IFIH1: variants seen among roughly 807,000 people sequenced by gnomAD.
IFIH1 encodes the protein interferon-induced helicase C domain-containing protein 1.
In IFIH1, 125 loss-of-function variants were observed where a neutral mutation model predicts 107.4. The ratio of observed to expected loss-of-function variants is 1.16; its 90% CI spans 1.01 to 1.35. IFIH1 has a LOEUF of 1.35. IFIH1 is among the 40% of genes most tolerant of loss of function. The probability of loss-of-function intolerance (pLI) is 0.00; values close to 1 mark genes in which losing one functional copy is unlikely to be tolerated. For missense variants in IFIH1, 1,333 were observed against 1,213.7 expected, an observed-to-expected ratio of 1.10 and a Z score of -1.46; for synonymous variants, 458 against 413.2, an observed-to-expected ratio of 1.11 and a Z score of -1.31.
intron 1 of IFIH1, among the ~76,000 whole-genome samples, chr2:162,317,235 T>C (rs1212588787): frequency 3.9e-5 from 6 of 152,106 alleles, no homozygotes; most frequent in Admixed American, 3.9e-4. Flanking sequence ...CAAACGAGCA[T>C]GACTGTGTTC....
At chr2:162,285,500 C>A (rs1028559341) in intron 5 of IFIH1, among the ~76,000 whole-genome samples, 6 of 151,644 alleles carry the variant, frequency 4.0e-5, no homozygotes, top group African/African-American at 7.3e-5. Context: ...ATTTAAAATT[C>A]AAAAAGATGG....
At chr2:162,302,423 T>A (rs1259623892) in intron 3 of IFIH1, among the ~76,000 whole-genome samples, 12 of 152,222 alleles carry the variant, frequency 7.9e-5, no homozygotes, top group Admixed American at 5.2e-4. Flanking sequence ...GACAAGTTTT[T>A]TTCAGTGCTA....
At chr2:162,267,940 T>C (rs1024129401) in intron 14 of IFIH1, 147 bp downstream of exon 14, 2 of 584,984 alleles carry the variant, frequency 3.4e-6, no homozygotes, top group Non-Finnish European at 5.7e-6. Flanking sequence ...AACATAGACA[T>C]TTAAAATAGG....
At chr2:162,310,635 T>C (rs1352970943) in intron 2 of IFIH1, 130 bp downstream of exon 2, 6 of 677,884 alleles carry the variant, frequency 8.9e-6, no homozygotes, top group Admixed American at 8.1e-5. Context: ...AGATGATCTA[T>C]CACATATGTT....
intron 9 of IFIH1, among the ~76,000 whole-genome samples, chr2:162,277,976 A>G (rs1187269256): frequency 6.6e-6 from 1 of 152,172 alleles, no homozygotes; most frequent in Non-Finnish European, 1.5e-5. Flanking sequence ...CAGAGCTATT[A>G]AAGTTTATCT....
chr2:162,315,261 C>T (rs1683467648), intron 1 of IFIH1, among the ~76,000 whole-genome samples: 1 of 152,172 alleles, frequency 6.6e-6, no homozygotes, highest in Admixed American at 6.5e-5. Context: ...GTTTTCAACG[C>T]TTATTCCAGA....
chr2:162,304,332 C>T (rs1683242979), intron 3 of IFIH1, among the ~76,000 whole-genome samples: 1 of 152,044 alleles, frequency 6.6e-6, no homozygotes, highest in South Asian at 2.1e-4. Context: ...TATGGTGGCG[C>T]ACGCCCGTGA....
At chr2:162,296,802 C>T (rs1683091352) in intron 3 of IFIH1, among the ~76,000 whole-genome samples, 1 of 152,052 alleles carries the variant, frequency 6.6e-6, no homozygotes, top group Non-Finnish European at 1.5e-5. Flanking sequence ...GTGTCCACAC[C>T]TCTTTTTAAA....
At position 162,267,497 on chromosome 2, in the gene IFIH1, G is replaced by A. The variant is rs570676307; in HGVS notation, c.2880C>T (p.Ile960=). The A allele has an allele frequency of 3.4e-5, 55 of 1,613,868 alleles. No homozygotes were observed. The South Asian group carries it at 6.0e-4, about 18-fold the overall frequency. The change falls in exon 15 of 16, where the codon ATC becomes ATT. Residue 960 remains isoleucine, a synonymous_variant. Transcript: ENST00000649979. ...TACTCACCTGGCCACATTTGCAGAT[G>A]ATTTCACCATTTATTTGATAGTCGG... ...KCADYQINGE[I]ICKCGQAWGT...
chr2:162,302,500 A>G (rs1683210251), intron 3 of IFIH1, among the ~76,000 whole-genome samples: 1 of 152,234 alleles, frequency 6.6e-6, no homozygotes, highest in African/African-American at 2.4e-5. Context: ...AACATTATCA[A>G]TATCAAGAAG....
chr2:162,270,359 A>G (rs1293524720), intron 13 of IFIH1, among the ~76,000 whole-genome samples: 3 of 152,232 alleles, frequency 2.0e-5, no homozygotes, highest in African/African-American at 4.8e-5. Context: ...ATTTCATCTT[A>G]TCTGTCAATT....
At chr2:162,279,423 C>T (rs1682768062) in intron 8 of IFIH1, among the ~76,000 whole-genome samples, 2 of 152,108 alleles carry the variant, frequency 1.3e-5, no homozygotes, top group South Asian at 4.1e-4. Flanking sequence ...AAAGTATTGA[C>T]ATAATTTACT....
chr2:162,306,135 A>G (rs529353461), intron 3 of IFIH1, among the ~76,000 whole-genome samples: 26 of 152,332 alleles, frequency 1.7e-4, no homozygotes, highest in Admixed American at 1.2e-3. Flanking sequence ...TAGAAAGGGA[A>G]AAAATAATTA....
intron 13 of IFIH1, among the ~76,000 whole-genome samples, chr2:162,271,475 G>C (rs1691037900): frequency 6.6e-6 from 1 of 151,052 alleles, no homozygotes; most frequent in Non-Finnish European, 1.5e-5. Context: ...GGGGAGGGGA[G>C]AGGGATAGCA....
At chr2:162,271,609 GA>G (rs1371179292) in intron 13 of IFIH1, among the ~76,000 whole-genome samples, 1 of 151,502 alleles carries the variant, frequency 6.6e-6, no homozygotes, top group East Asian at 1.9e-4. Flanking sequence ...AGTATAATAA[GA>G]AAAAAAAGAA....
intron 1 of IFIH1, 132 bp downstream of exon 1, chr2:162,317,723 T>C: frequency 1.4e-6 from 1 of 702,570 alleles, no homozygotes; most frequent in Non-Finnish European, 2.4e-6. Flanking sequence ...AGTGCCTAGA[T>C]GTTGTCTTCT....
intron 1 of IFIH1, 147 bp from the exon 2 acceptor site, chr2:162,311,080 C>T (rs1444562469): frequency 1.8e-6 from 1 of 562,192 alleles, no homozygotes; most frequent in African/African-American, 1.9e-5. Flanking sequence ...AGCAATGTTA[C>T]CTGTAGCAAT....
rs568679296 is a variant in IFIH1 at position 162,276,921 on chromosome 2, C to G, written c.2070G>C (p.Leu690=). The change falls in exon 11 of 16, where the codon CTG becomes CTC. Residue 690 remains leucine, a synonymous_variant. Transcript: ENST00000649979. ...CATTTTCATATTCTGGGTTTTCAGC[C>G]AGCCTTTTCAACATTTTATTGTTTT... The part of the protein sequence containing the change: ...FFENNKMLKR[L]AENPEYENEK... 2.9e-5 allele frequency: 47 copies of G among 1,605,394 alleles called. 1 individual carries two copies. The South Asian group carries it at 5.3e-4, about 18-fold the overall frequency.
rs1485296474 is a variant in IFIH1 at position 162,288,312 on chromosome 2, G to A, written c.918C>T (p.Leu306=). Residue 306 remains leucine, a synonymous_variant, in exon 5 of 16, where the codon CTC becomes CTT. Transcript: ENST00000649979. ...VAARASPEPE[L]QLRPYQMEVA... is the part of the protein sequence containing the mutation. The stretch of plus-strand genomic sequence containing the variant: ...CTTCCATTTGGTAAGGCCTGAGCTG[G>A]AGTTCTGGCTCCGGGGATGCTCTTG... 2 of 1,612,594 alleles carry A rather than the reference G, an allele frequency of 1.2e-6. No individual in the cohort carries two copies. The highest frequency in any genetic ancestry group is 8.5e-7 in the Non-Finnish European group (1 of 1,179,192).
Sources: gnomAD v4.1 joint callset for allele counts (sites outside exome capture counted in the v4.1 genomes callset) on GRCh38, gnomAD v4.1.1 for gene constraint, MANE v1.5 for transcripts, NCBI Gene and HGNC (gene_info 2026-07-23, HGNC 2026-07-21) for gene names.